RRAS2: variants seen among roughly 807,000 people sequenced by gnomAD.
The protein encoded by RRAS2 is RAS related 2, also known as ras-related protein R-Ras2.
A neutral mutation model predicts 27.6 loss-of-function variants in RRAS2; 7 were observed. That is an observed-to-expected ratio of 0.25 (90% confidence interval 0.14 to 0.48). The LOEUF is 0.48. Among genes scored for constraint, RRAS2 ranks in the 20% least tolerant of loss-of-function variants. RRAS2 has a pLI of 0.99. For synonymous variants in RRAS2, 86 were observed against 90.9 expected, an observed-to-expected ratio of 0.95 and a Z score of 0.31; for missense variants, 178 against 256.2, an observed-to-expected ratio of 0.69 and a Z score of 2.08.
intron 1 of RRAS2, among the ~76,000 whole-genome samples, chr11:14,318,634 A>C (rs782018473): frequency 2.0e-5 from 3 of 152,216 alleles, no homozygotes; most frequent in Non-Finnish European, 4.4e-5. Context: ...AGCCAGGTGC[A>C]GCACTACCTG....
rs2134049305 is a variant in RRAS2, at chr11:14,359,126, A to C, written c.-256T>G. Reference sequence around the variant, plus strand: ...CAGCGGCCGGGGGGCGCGCTCCTCTACGCGTCTCCGCAGCGCCTGCCGAAC... The same window carrying C: ...CAGCGGCCGGGGGGCGCGCTCCTCTCCGCGTCTCCGCAGCGCCTGCCGAAC... On this transcript the variant is annotated 5_prime_UTR_variant, in exon 1 of 6. Transcript: ENST00000256196. 6.8e-6 allele frequency: 7 copies of C among 1,027,952 alleles called. No individual in the cohort carries two copies. Among genetic ancestry groups the C allele is most frequent in the African/African-American group, 1.7e-5 (1 of 58,158 alleles). 63.7% of individuals were successfully genotyped at this position (1,027,952 alleles called of 1,614,324 possible).
rs75638716 is a variant in RRAS2, at chr11:14,313,791, C to T, written c.109-17936G>A. 8.7e-3 allele frequency among the ~76,000 whole-genome samples: 1,328 copies of T among 152,180 alleles called. 24 individuals carry two copies. The highest frequency in any genetic ancestry group is 0.03 in the African/African-American group (1,263 of 41,534). ...CCTCAGACTCCAGAATCAACCAGCACGACAACAACTTGATTTTGGAGTTCT... is the reference window on the plus strand; with the variant it reads ...CCTCAGACTCCAGAATCAACCAGCATGACAACAACTTGATTTTGGAGTTCT... On this transcript the variant is annotated intron_variant, in intron 1 of 5. Coordinates refer to ENST00000256196, the MANE Select transcript of RRAS2 (RefSeq NM_012250.6).
chr11:14,357,471 A>AT (rs1198894093), intron 1 of RRAS2, among the ~76,000 whole-genome samples: 63 of 152,292 alleles, frequency 4.1e-4, no homozygotes, highest in Admixed American at 1.2e-3. Flanking sequence ...TTACTCAGTG[A>AT]TTTTTTTAAC....
intron 1 of RRAS2, among the ~76,000 whole-genome samples, chr11:14,353,623 A>G (rs922236548): frequency 6.6e-6 from 1 of 152,038 alleles, no homozygotes; most frequent in Non-Finnish European, 1.5e-5. Flanking sequence ...TCCCCACTCA[A>G]TTCCTACAAC....
chr11:14,333,336 C>G (rs1168726216), intron 1 of RRAS2, among the ~76,000 whole-genome samples: 1 of 152,048 alleles, frequency 6.6e-6, no homozygotes, highest in East Asian at 1.9e-4. Flanking sequence ...AAGGAAAAGG[C>G]GAGGCTATTG....
At chr11:14,305,487 G>A (rs1847809791) in intron 1 of RRAS2, among the ~76,000 whole-genome samples, 1 of 152,080 alleles carries the variant, frequency 6.6e-6, no homozygotes, top group Admixed American at 6.6e-5. Flanking sequence ...TTGTATAGAG[G>A]GAAAGCTTGT....
chr11:14,314,823 G>A (rs981821937), intron 1 of RRAS2, among the ~76,000 whole-genome samples: 2 of 152,044 alleles, frequency 1.3e-5, no homozygotes, highest in African/African-American at 4.8e-5. Context: ...AGAGTAGCTG[G>A]GACTACAGGC....
intron 1 of RRAS2, among the ~76,000 whole-genome samples, chr11:14,317,679 G>A (rs1268951487): frequency 6.6e-6 from 1 of 152,304 alleles, no homozygotes; most frequent in Admixed American, 6.5e-5. Context: ...TTTAAGAAAC[G>A]TAGCCTCTAT....
chr11:14,281,912 G>A (rs1201724232), intron 4 of RRAS2, among the ~76,000 whole-genome samples, 192 bp from the exon 5 acceptor site: 7 of 152,188 alleles, frequency 4.6e-5, no homozygotes, highest in Non-Finnish European at 1.5e-5. Flanking sequence ...GAACATATCT[G>A]TGATGGAAAT....
chr11:14,310,898 T>C (rs955063344), intron 1 of RRAS2, among the ~76,000 whole-genome samples: 2 of 152,176 alleles, frequency 1.3e-5, no homozygotes, highest in African/African-American at 2.4e-5. Context: ...TTGCATGCAA[T>C]GGACAGACAG....
chr11:14,334,161 T>C (rs1402648212), intron 1 of RRAS2, among the ~76,000 whole-genome samples: 4 of 152,246 alleles, frequency 2.6e-5, no homozygotes, highest in African/African-American at 7.2e-5. Flanking sequence ...ATTCAGCTTG[T>C]TGATTTCCAA....
At chr11:14,337,699 T>G (rs1848615827) in intron 1 of RRAS2, among the ~76,000 whole-genome samples, 1 of 152,168 alleles carries the variant, frequency 6.6e-6, no homozygotes, top group African/African-American at 2.4e-5. Context: ...TATGTAGGGT[T>G]CAATACTATC....
intron 4 of RRAS2, among the ~76,000 whole-genome samples, chr11:14,293,120 A>AT (rs1369926481): frequency 1.4e-4 from 7 of 50,080 alleles, no homozygotes; most frequent in African/African-American, 5.5e-4. Flanking sequence ...AACAAAACAA[A>AT]ACAAATATAT....
At chr11:14,303,128 T>C (rs1231489074) in intron 1 of RRAS2, among the ~76,000 whole-genome samples, 7 of 152,316 alleles carry the variant, frequency 4.6e-5, no homozygotes, top group East Asian at 3.9e-4. Context: ...ATCTCAATAT[T>C]CTCTTACCCT....
intron 1 of RRAS2, among the ~76,000 whole-genome samples, chr11:14,347,094 T>G (rs566213996): frequency 9.5e-4 from 144 of 152,268 alleles, no homozygotes; most frequent in South Asian, 9.3e-3. Context: ...CCTAGGAGTT[T>G]CAATGTTGCA....
At chr11:14,353,774 C>T (rs371911684) in intron 1 of RRAS2, among the ~76,000 whole-genome samples, 19 of 152,070 alleles carry the variant, frequency 1.2e-4, no homozygotes, top group East Asian at 9.6e-4. Flanking sequence ...TCTCCAAAGG[C>T]AGTCATCCTC....
intron 1 of RRAS2, among the ~76,000 whole-genome samples, chr11:14,324,802 A>G (rs1848313973): frequency 6.6e-6 from 1 of 152,228 alleles, no homozygotes; most frequent in African/African-American, 2.4e-5. Flanking sequence ...GAATAGGCAA[A>G]AAAGACAAAT....
intron 1 of RRAS2, among the ~76,000 whole-genome samples, chr11:14,352,526 T>A (rs2134039007): frequency 6.6e-6 from 1 of 152,192 alleles, no homozygotes; most frequent in East Asian, 1.9e-4. Context: ...TAATTCAAGA[T>A]CAAGGCCTTT....
At chr11:14,293,584 G>A (rs1298296707) in intron 4 of RRAS2, among the ~76,000 whole-genome samples, 3 of 152,052 alleles carry the variant, frequency 2.0e-5, no homozygotes, top group Admixed American at 1.3e-4. Context: ...TCGGAGATCT[G>A]ATGGTTTTAT....
Sources: allele counts gnomAD v4.1 joint callset (sites outside exome capture counted in the v4.1 genomes callset), GRCh38; gene constraint gnomAD v4.1.1; transcripts MANE v1.5; gene names NCBI Gene and HGNC (gene_info 2026-07-23, HGNC 2026-07-21).